Variants in PPP4R3A observed in about 807,000 individuals in gnomAD.
PPP4R3A encodes the protein serine/threonine-protein phosphatase 4 regulatory subunit 3A.
A neutral mutation model predicts 91.7 loss-of-function variants in PPP4R3A; 15 were observed. That is an observed-to-expected ratio of 0.16 (90% CI 0.11 to 0.25). PPP4R3A has a LOEUF of 0.25. Among genes scored for constraint, PPP4R3A ranks in the 10% least tolerant of loss-of-function variants. The pLI is 1.00. For missense variants in PPP4R3A, 623 were observed against 998.4 expected, an observed-to-expected ratio of 0.62 and a Z score of 5.07; for synonymous variants, 377 against 348.7, an observed-to-expected ratio of 1.08 and a Z score of -0.91.
At chr14:91,497,341 T>TACACACATAC (rs1890637355) in intron 1 of PPP4R3A, among the ~76,000 whole-genome samples, 1 of 148,408 alleles carries the variant, frequency 6.7e-6, no homozygotes, top group African/African-American at 2.5e-5. Flanking sequence ...ATCTTTTATT[T>TACACACATAC]ACACACACAC....
intron 2 of PPP4R3A, among the ~76,000 whole-genome samples, chr14:91,488,396 A>C (rs1890028136): frequency 6.6e-6 from 1 of 152,152 alleles, no homozygotes; most frequent in African/African-American, 2.4e-5. Flanking sequence ...AATTTTGGAA[A>C]ACACCTCAAA....
chr14:91,505,863 G>C (rs1251906625), intron 1 of PPP4R3A, among the ~76,000 whole-genome samples: 2 of 152,084 alleles, frequency 1.3e-5, no homozygotes, highest in African/African-American at 2.4e-5. Context: ...ATGGAGAATG[G>C]AGCAAGCACA....
At chr14:91,506,022 T>C (rs576643078) in intron 1 of PPP4R3A, among the ~76,000 whole-genome samples, 2 of 152,214 alleles carry the variant, frequency 1.3e-5, no homozygotes, top group South Asian at 4.1e-4. Flanking sequence ...CTTGGCTCAC[T>C]GCAAGCTCCG....
chr14:91,496,514 ACT>A (rs559353858), intron 1 of PPP4R3A, among the ~76,000 whole-genome samples: 218 of 152,044 alleles, frequency 1.4e-3, no homozygotes, highest in African/African-American at 4.7e-3. Context: ...TTTCTTCAAA[ACT>A]CTCTTAGTAG....
intron 13 of PPP4R3A, 152 bp downstream of exon 13, chr14:91,461,897 C>T (rs1018191151): frequency 7.9e-7 from 1 of 1,267,962 alleles, no homozygotes; most frequent in Non-Finnish European, 1.0e-6. Context: ...GCCTACACAA[C>T]ACTGCTATTC....
At chr14:91,488,773 T>C (rs1279442233) in intron 2 of PPP4R3A, among the ~76,000 whole-genome samples, 1 of 152,164 alleles carries the variant, frequency 6.6e-6, no homozygotes, top group South Asian at 2.1e-4. Flanking sequence ...GGCCACGGTA[T>C]AAATTCTAAT....
rs1011215771 is a variant in PPP4R3A at position 91,457,879 on chromosome 14, T to C, written c.*880A>G. ...AAATAGTATTGCTTTTGTATGCACA[T>C]AGTTGTAAGATTACTTTGCTTTTGT... On this transcript the variant is annotated 3_prime_UTR_variant, in exon 15 of 15. Transcript: ENST00000554943. 28 of 152,542 alleles carry C rather than the reference T, an allele frequency of 1.8e-4. No individual in the cohort carries two copies. The highest frequency in any genetic ancestry group is 6.0e-4 in the African/African-American group (25 of 41,388). 9.4% of individuals were successfully genotyped at this position (152,542 alleles called of 1,614,324 possible). A position where few individuals can be genotyped will look rare whatever the true frequency, so the allele number is the denominator to read the frequency against.
chr14:91,483,588 A>G (rs1889701138), intron 3 of PPP4R3A, among the ~76,000 whole-genome samples: 1 of 152,216 alleles, frequency 6.6e-6, no homozygotes, highest in African/African-American at 2.4e-5. Context: ...CCCTTATTAT[A>G]TTAAGAATGC....
intron 2 of PPP4R3A, among the ~76,000 whole-genome samples, chr14:91,487,563 A>G (rs576501416): frequency 2.6e-5 from 4 of 152,314 alleles, no homozygotes; most frequent in African/African-American, 7.2e-5. Context: ...AAGTAACCAA[A>G]AACAGCCATG....
chr14:91,464,916 G>A (rs1037676583), intron 11 of PPP4R3A, among the ~76,000 whole-genome samples: 13 of 152,170 alleles, frequency 8.5e-5, no homozygotes, highest in African/African-American at 3.1e-4. Context: ...ATGCTCCTAG[G>A]AGAATATAAT....
At chr14:91,499,895 C>G (rs1890836197) in intron 1 of PPP4R3A, among the ~76,000 whole-genome samples, 1 of 151,796 alleles carries the variant, frequency 6.6e-6, no homozygotes, top group Non-Finnish European at 1.5e-5. Flanking sequence ...ATGTGAGGCC[C>G]TTTCTTGTAG....
rs1169758979 is a variant in PPP4R3A, at chr14:91,509,512, T to C, written c.136A>G (p.Ser46Gly). The change falls in exon 1 of 15, where the codon AGC (serine) becomes GGC (glycine). Residue 46 changes from serine (S) to glycine (G), a missense_variant. By Grantham distance (56) the Ser-to-Gly change is moderately conservative (BLOSUM62 0). Around this residue, in one of 5 missense-constraint regions of PPP4R3A, gnomAD observed 51 missense variants for 81.8 expected, o/e 0.62. Coordinates refer to ENST00000554943, the MANE Select transcript of PPP4R3A (RefSeq NM_001366432.2). Reference protein sequence around the residue: ...KGMSLLVRAESDGSLLLESKI... With the variant: ...KGMSLLVRAEGDGSLLLESKI... ...CGCGCGGGGCTTCACTTACCGTCGC[T>C]CTCAGCCCTGACAAGCAGGGACATG... The C allele has an allele frequency of 1.3e-6, 2 of 1,591,932 alleles. No homozygotes were observed. The highest frequency in any genetic ancestry group is 1.3e-5 in the African/African-American group (1 of 74,740).
intron 7 of PPP4R3A, among the ~76,000 whole-genome samples, chr14:91,474,185 G>A (rs759320969): frequency 6.6e-6 from 1 of 152,172 alleles, no homozygotes; most frequent in Non-Finnish European, 1.5e-5. Flanking sequence ...TTATCTGAAT[G>A]TCTGAAATTG....
chr14:91,486,016 C>T (rs980544529), intron 2 of PPP4R3A, among the ~76,000 whole-genome samples: 14 of 152,134 alleles, frequency 9.2e-5, no homozygotes, highest in Non-Finnish European at 1.5e-4. Flanking sequence ...ATTATACCAA[C>T]GCTATCCGAG....
intron 1 of PPP4R3A, among the ~76,000 whole-genome samples, chr14:91,501,146 G>A (rs557095455): frequency 1.3e-5 from 2 of 152,342 alleles, no homozygotes; most frequent in Admixed American, 6.5e-5. Flanking sequence ...AAACGAGATA[G>A]TATAGAGAAT....
At chr14:91,461,902 C>T (rs1822301049) in intron 13 of PPP4R3A, 147 bp downstream of exon 13, 1 of 1,290,856 alleles carries the variant, frequency 7.7e-7, no homozygotes. Flanking sequence ...CACAACACTG[C>T]TATTCAGTCA....
Position 91,462,763 on chromosome 14 carries a change from C to G in PPP4R3A, c.1945G>C (p.Glu649Gln). ...GLKLRFEQQR[E>Q]RQDNPKLDSM... ...TCAAGTTTGGGATTATCTTGCCTTT[C>G]TCTTTGTTGTTCAAATCTCAGTTTT... Residue 649 changes from glutamate (E) to glutamine (Q), a missense_variant, in exon 12 of 15, where the codon GAA becomes CAA. Glu to Gln is a conservative substitution (Grantham distance 29). Transcript: ENST00000554943. The G allele has an allele frequency of 6.2e-7, 1 of 1,613,674 alleles. No homozygotes were observed. The highest frequency in any genetic ancestry group is 8.5e-7 in the Non-Finnish European group (1 of 1,179,796).
intron 4 of PPP4R3A, among the ~76,000 whole-genome samples, chr14:91,477,456 T>C (rs1304708648): frequency 6.6e-6 from 1 of 152,216 alleles, no homozygotes; most frequent in Non-Finnish European, 1.5e-5. Context: ...ACAAAGCTAC[T>C]TTAGTGTTTT....
intron 1 of PPP4R3A, among the ~76,000 whole-genome samples, chr14:91,508,522 C>G (rs1418294364): frequency 6.6e-6 from 1 of 152,140 alleles, no homozygotes; most frequent in African/African-American, 2.4e-5. Context: ...CTTACTTTCA[C>G]GTTTGGAAGT....
Sources: gnomAD v4.1 joint callset for allele counts (sites outside exome capture counted in the v4.1 genomes callset) on GRCh38, gnomAD v4.1.1 for gene constraint, gnomAD v4.1.1 regional missense constraint, MANE v1.5 for transcripts, NCBI Gene and HGNC (gene_info 2026-07-23, HGNC 2026-07-21) for gene names.